KCNB2: variants seen among roughly 807,000 people sequenced by gnomAD.
The protein encoded by KCNB2 is delayed rectifier potassium channel protein.
In KCNB2, 15 loss-of-function variants were observed where a neutral mutation model predicts 61.5. That is an observed-to-expected ratio of 0.24 (90% CI 0.16 to 0.38). The LOEUF (loss-of-function observed/expected upper bound fraction) is 0.38. Ranked by LOEUF, KCNB2 falls within the 10% of genes least tolerant of loss-of-function variation. The pLI, the probability that KCNB2 is intolerant of heterozygous loss-of-function variation, is 1.00. For missense variants in KCNB2, 828 were observed against 1,125.2 expected (o/e 0.74, Z 3.78); for synonymous variants, 457 against 446.0 (o/e 1.02, Z -0.31).
intron 2 of KCNB2, among the ~76,000 whole-genome samples, chr8:72,769,832 T>C (rs1808531541): frequency 6.6e-6 from 1 of 152,112 alleles, no homozygotes; most frequent in Non-Finnish European, 1.5e-5. Flanking sequence ...TGATCCCAGA[T>C]CTAGCATCAC....
intron 2 of KCNB2, among the ~76,000 whole-genome samples, chr8:72,712,536 G>A (rs1260208304): frequency 6.6e-6 from 1 of 152,174 alleles, no homozygotes; most frequent in African/African-American, 2.4e-5. Context: ...TCACTGACTG[G>A]ATGCTTATTA....
In KCNB2 at chr8:72,739,432, G is replaced by A. The variant is rs369787791; in HGVS notation, c.579+171119G>A. ...TACTTTGTGAAATTGCTGGCATAGGGTTAAAGACATAGATACAATAGAAAC... is the reference window on the plus strand; with the variant it reads ...TACTTTGTGAAATTGCTGGCATAGGATTAAAGACATAGATACAATAGAAAC... On this transcript the variant is annotated intron_variant, in intron 2 of 2. Coordinates refer to ENST00000523207, the MANE Select transcript of KCNB2 (RefSeq NM_004770.3). Among the ~76,000 whole-genome samples, 14 of 152,086 alleles carry A rather than the reference G, an allele frequency of 9.2e-5. No individual in the cohort carries two copies. The East Asian group carries it at 2.7e-3, about 29-fold the overall frequency.
rs533983879 is a variant in KCNB2 at position 72,883,251 on chromosome 8, A to G, written c.580-52684A>G. Among the ~76,000 whole-genome samples, 30 of 152,334 alleles carry G rather than the reference A, an allele frequency of 2.0e-4. No homozygotes were observed. The South Asian group carries it at 2.1e-3, about 11-fold the overall frequency. ...GCCCTGAAAAGAAGATGAAACAACTATGTGGTGAAACTTAGAGGCAGTTAT... is the reference window on the plus strand; with the variant it reads ...GCCCTGAAAAGAAGATGAAACAACTGTGTGGTGAAACTTAGAGGCAGTTAT... On this transcript the variant is annotated intron_variant, in intron 2 of 2. Coordinates refer to ENST00000523207, the MANE Select transcript of KCNB2 (RefSeq NM_004770.3).
At chr8:72,696,753 A>G (rs983156883) in intron 2 of KCNB2, among the ~76,000 whole-genome samples, 6 of 152,192 alleles carry the variant, frequency 3.9e-5, no homozygotes, top group Non-Finnish European at 5.9e-5. Flanking sequence ...AGGGACCTTT[A>G]TGAACCATGG....
At chr8:72,848,957 T>C (rs554718272) in intron 2 of KCNB2, among the ~76,000 whole-genome samples, 1 of 151,328 alleles carries the variant, frequency 6.6e-6, no homozygotes, top group East Asian at 1.9e-4. Flanking sequence ...TATTACACTT[T>C]TTAAACTTTT....
chr8:72,548,364 G>A (rs186095604), intron 1 of KCNB2, among the ~76,000 whole-genome samples: 52 of 152,258 alleles, frequency 3.4e-4, no homozygotes, highest in African/African-American at 1.0e-3. Flanking sequence ...AGTCATTGAC[G>A]CATAACATGG....
intron 2 of KCNB2, among the ~76,000 whole-genome samples, chr8:72,614,389 C>A (rs1805585763): frequency 6.6e-6 from 1 of 152,156 alleles, no homozygotes; most frequent in Non-Finnish European, 1.5e-5. Context: ...GACTTGGGTT[C>A]AAATCCTAGC....
intron 2 of KCNB2, chr8:72,619,344 G>A (rs1805677433): frequency 1.7e-6 from 1 of 581,914 alleles, no homozygotes. Context: ...GTCTTGAAGA[G>A]GCTTGGCTTC....
chr8:72,564,387 A>G (rs1806589912), intron 1 of KCNB2, among the ~76,000 whole-genome samples: 1 of 152,184 alleles, frequency 6.6e-6, no homozygotes, highest in African/African-American at 2.4e-5. Flanking sequence ...TATCTTCTTC[A>G]TGTTAGTATA....
At chr8:72,670,425 TTGTC>T (rs1235264659) in intron 2 of KCNB2, among the ~76,000 whole-genome samples, 2 of 152,182 alleles carry the variant, frequency 1.3e-5, no homozygotes, top group African/African-American at 4.8e-5. Context: ...TGCATGCACT[TTGTC>T]TGGCTTCCTA....
Position 72,567,867 on chromosome 8 carries a change from A to T in KCNB2, c.133A>T (p.Asn45Tyr). Residue 45 changes from asparagine to tyrosine, a missense_variant, in exon 2 of 3, where the codon AAC becomes TAC. Physicochemically the swap from Asn to Tyr is moderately radical, Grantham distance 143. Transcript: ENST00000523207. ...RRVKINVGGL[N>Y]HEVLWRTLDR... ...AGTTAAGATCAATGTGGGGGGCCTCAACCACGAAGTCCTGTGGAGAACGCT... is the reference window on the plus strand; with the variant it reads ...AGTTAAGATCAATGTGGGGGGCCTCTACCACGAAGTCCTGTGGAGAACGCT... The T allele has an allele frequency of 6.2e-7, 1 of 1,614,084 alleles. No homozygotes were observed. The highest frequency in any genetic ancestry group is 8.5e-7 in the Non-Finnish European group (1 of 1,180,006).
intron 2 of KCNB2, among the ~76,000 whole-genome samples, chr8:72,861,825 C>T (rs1805419501): frequency 6.6e-6 from 1 of 152,200 alleles, no homozygotes; most frequent in South Asian, 2.1e-4. Flanking sequence ...CATGAATCCT[C>T]TGTAAAATAG....
chr8:72,650,379 G>A (rs906190621), intron 2 of KCNB2, among the ~76,000 whole-genome samples: 2 of 152,092 alleles, frequency 1.3e-5, no homozygotes, highest in Admixed American at 1.3e-4. Context: ...TTTTGCCCCT[G>A]CTCACCTGCT....
chr8:72,580,984 C>T (rs572076696), intron 2 of KCNB2, among the ~76,000 whole-genome samples: 1 of 152,204 alleles, frequency 6.6e-6, no homozygotes, highest in African/African-American at 2.4e-5. Context: ...ATTTATGATC[C>T]CTCACAACCC....
At chr8:72,732,713 T>C (rs950447450) in intron 2 of KCNB2, among the ~76,000 whole-genome samples, 3 of 152,188 alleles carry the variant, frequency 2.0e-5, no homozygotes, top group African/African-American at 7.2e-5. Flanking sequence ...ATTAACTGTT[T>C]TTCAACCATG....
At chr8:72,715,280 G>A (rs1807412724) in intron 2 of KCNB2, among the ~76,000 whole-genome samples, 1 of 152,110 alleles carries the variant, frequency 6.6e-6, no homozygotes, top group Non-Finnish European at 1.5e-5. Context: ...AGGATATCCA[G>A]GAATTGAACT....
intron 2 of KCNB2, among the ~76,000 whole-genome samples, chr8:72,857,820 T>C (rs1304969317): frequency 6.6e-6 from 1 of 152,240 alleles, no homozygotes; most frequent in Non-Finnish European, 1.5e-5. Flanking sequence ...ATTGTCTTAT[T>C]TCATTCTCCC....
intron 2 of KCNB2, among the ~76,000 whole-genome samples, chr8:72,674,694 A>G (rs1806621512): frequency 6.6e-6 from 1 of 152,166 alleles, no homozygotes; most frequent in Admixed American, 6.5e-5. Context: ...TATTTTAAGT[A>G]TTTAATATAT....
At chr8:72,896,207 C>T (rs866790096) in intron 2 of KCNB2, among the ~76,000 whole-genome samples, 3 of 152,002 alleles carry the variant, frequency 2.0e-5, no homozygotes, top group South Asian at 2.1e-4. Flanking sequence ...TCAGCCAGTC[C>T]CTCTTCCAGA....
Sources: allele counts gnomAD v4.1 joint callset (sites outside exome capture counted in the v4.1 genomes callset), GRCh38; gene constraint gnomAD v4.1.1; transcripts MANE v1.5; gene names NCBI Gene and HGNC (gene_info 2026-07-23, HGNC 2026-07-21).